Variants in PEPD observed in about 807,000 individuals in gnomAD.
PEPD encodes the protein xaa-Pro dipeptidase.
Under a neutral mutation model 60.7 loss-of-function variants are expected in PEPD, and 53 were observed. The ratio of observed to expected loss-of-function variants is 0.87; its 90% confidence interval spans 0.70 to 1.10. PEPD has a LOEUF of 1.10. Among genes scored for constraint, PEPD ranks in the 50% least tolerant of loss-of-function variants. PEPD has a pLI of 0.00. For missense variants in PEPD, 711 were observed against 711.9 expected, an observed-to-expected ratio of 1.00 and a Z score of 0.01; for synonymous variants, 267 against 284.1, an observed-to-expected ratio of 0.94 and a Z score of 0.60.
intron 9 of PEPD, 32 bp from the exon 10 acceptor site, chr19:33,413,675 C>T (rs1026205098): frequency 7.0e-7 from 1 of 1,424,748 alleles, no homozygotes; most frequent in Non-Finnish European, 9.7e-7. Flanking sequence ...AGGGTTGGGG[C>T]ACTAGAGCAG....
chr19:33,514,690 C>A (rs898605307), intron 1 of PEPD, among the ~76,000 whole-genome samples: 2 of 151,514 alleles, frequency 1.3e-5, no homozygotes, highest in African/African-American at 4.8e-5. Flanking sequence ...GACAGTGGAT[C>A]CACTCCCCTG....
intron 9 of PEPD, among the ~76,000 whole-genome samples, chr19:33,448,748 C>T (rs570926700): frequency 3.3e-4 from 51 of 152,258 alleles, no homozygotes; most frequent in Non-Finnish European, 7.2e-4. Flanking sequence ...AGCTATGTAG[C>T]AAGCACCACG....
At chr19:33,457,210 A>T (rs1054044356) in intron 9 of PEPD, among the ~76,000 whole-genome samples, 4 of 151,926 alleles carry the variant, frequency 2.6e-5, no homozygotes, top group African/African-American at 9.7e-5. Flanking sequence ...GGCAGCAGGA[A>T]TGCTAGAGCT....
chr19:33,472,724 G>A (rs937698083), intron 7 of PEPD, among the ~76,000 whole-genome samples: 1 of 152,170 alleles, frequency 6.6e-6, no homozygotes, highest in African/African-American at 2.4e-5. Context: ...TCCAAAATCA[G>A]CCTCTAAGCA....
At chr19:33,498,032 C>T (rs1025450874) in intron 4 of PEPD, among the ~76,000 whole-genome samples, 3 of 151,996 alleles carry the variant, frequency 2.0e-5, no homozygotes, top group African/African-American at 4.8e-5. Context: ...GTGGGGGCTA[C>T]GGCCCAGCAC....
intron 7 of PEPD, among the ~76,000 whole-genome samples, chr19:33,470,586 A>G (rs574959869): frequency 1.3e-5 from 2 of 152,288 alleles, no homozygotes; most frequent in South Asian, 2.1e-4. Context: ...AACACTTAGA[A>G]TTCTTTTAAT....
intron 11 of PEPD, among the ~76,000 whole-genome samples, chr19:33,406,763 C>G (rs12985481): frequency 0.16 from 23,895 of 152,198 alleles, 2,440 homozygotes; most frequent in Admixed American, 0.27. Context: ...GGCTGCAGGG[C>G]CCATGTGAGG....
chr19:33,392,590 G>C (rs1968251291), intron 12 of PEPD, among the ~76,000 whole-genome samples: 1 of 152,192 alleles, frequency 6.6e-6, no homozygotes, highest in Admixed American at 6.5e-5. Context: ...GCTGGAGAGG[G>C]CGCCCAGCAA....
chr19:33,411,513 G>T (rs78453918), intron 11 of PEPD, among the ~76,000 whole-genome samples, 159 bp downstream of exon 11: 2 of 152,172 alleles, frequency 1.3e-5, no homozygotes, highest in Admixed American at 1.3e-4. Flanking sequence ...CACGCAGGCC[G>T]ATAGCCTTGG....
At chr19:33,408,126 G>A (rs1271965519) in intron 11 of PEPD, among the ~76,000 whole-genome samples, 2 of 152,260 alleles carry the variant, frequency 1.3e-5, no homozygotes, top group African/African-American at 4.8e-5. Context: ...GTAGGAGGGG[G>A]GCCTAGCCAG....
Position 33,398,828 on chromosome 19 carries a change from C to T in PEPD, c.967+2893G>A, listed in dbSNP as rs556128490. Among the ~76,000 whole-genome samples, 28 of 152,322 alleles carry T rather than the reference C, an allele frequency of 1.8e-4. No homozygotes were observed. The South Asian group carries it at 4.6e-3, about 25-fold the overall frequency. ...AACTGTCCCGTCCCTTCCTGCACCT[C>T]CTTTATGGTTTTCACAGGCGCACGG... On this transcript the variant is annotated intron_variant, in intron 12 of 14. Transcript: ENST00000244137.
intron 9 of PEPD, among the ~76,000 whole-genome samples, chr19:33,458,388 G>C (rs554924781): frequency 6.6e-6 from 1 of 150,836 alleles, no homozygotes; most frequent in East Asian, 2.0e-4. Flanking sequence ...TGTGTGGCAA[G>C]TGATGTATGG....
At chr19:33,423,352 A>G (rs1468570628) in intron 9 of PEPD, among the ~76,000 whole-genome samples, 1 of 152,216 alleles carries the variant, frequency 6.6e-6, no homozygotes, top group East Asian at 1.9e-4. Flanking sequence ...TCTCTGTATG[A>G]TGGCCACGCA....
At chr19:33,421,033 T>C (rs200070920) in intron 9 of PEPD, among the ~76,000 whole-genome samples, 2 of 152,222 alleles carry the variant, frequency 1.3e-5, no homozygotes, top group African/African-American at 4.8e-5. Flanking sequence ...CAGTCCCTGG[T>C]TGGTTCTCAC....
At chr19:33,457,556 C>A (rs762755771) in intron 9 of PEPD, among the ~76,000 whole-genome samples, 1 of 152,182 alleles carries the variant, frequency 6.6e-6, no homozygotes, top group African/African-American at 2.4e-5. Context: ...GAGTCTCGCT[C>A]TGTTGCCCAG....
At chr19:33,440,084 A>G (rs1969455130) in intron 9 of PEPD, among the ~76,000 whole-genome samples, 1 of 152,146 alleles carries the variant, frequency 6.6e-6, no homozygotes, top group Non-Finnish European at 1.5e-5. Context: ...AATGACAACC[A>G]CTGGGACCTG....
chr19:33,446,455 C>A (rs146922091), intron 9 of PEPD, among the ~76,000 whole-genome samples: 3 of 152,220 alleles, frequency 2.0e-5, no homozygotes, highest in Non-Finnish European at 4.4e-5. Flanking sequence ...CACCCGGGCA[C>A]GTGGACACTC....
At chr19:33,470,514 C>T (rs538409887) in intron 7 of PEPD, among the ~76,000 whole-genome samples, 1 of 152,132 alleles carries the variant, frequency 6.6e-6, no homozygotes, top group African/African-American at 2.4e-5. Flanking sequence ...TACCCTCCCA[C>T]CCTGGGCTAA....
intron 9 of PEPD, among the ~76,000 whole-genome samples, chr19:33,418,804 T>G (rs8182584): frequency 0.59 from 89,510 of 152,062 alleles, 26,685 homozygotes; most frequent in Non-Finnish European, 0.62. Flanking sequence ...ATGAGCACCC[T>G]CTGAGGCTCC....
Sources: allele counts gnomAD v4.1 joint callset (sites outside exome capture counted in the v4.1 genomes callset), GRCh38; gene constraint gnomAD v4.1.1; transcripts MANE v1.5; gene names NCBI Gene and HGNC (gene_info 2026-07-23, HGNC 2026-07-21).